TPD52L2: variants seen among roughly 807,000 people sequenced by gnomAD.
TPD52L2 encodes the protein TPD52 like 2, also known as tumor protein D54.
Under a neutral mutation model 24.7 loss-of-function variants are expected in TPD52L2, and 19 were observed. That is an observed-to-expected ratio of 0.77 (90% confidence interval 0.54 to 1.13). The LOEUF (loss-of-function observed/expected upper bound fraction) is 1.13, where lower values mean the gene tolerates loss of function less well. Ranked by LOEUF, TPD52L2 falls within the 50% of genes most tolerant of loss-of-function variation. TPD52L2 has a pLI of 0.00. For missense variants in TPD52L2, 236 were observed against 250.4 expected, an observed-to-expected ratio of 0.94 and a Z score of 0.39; for synonymous variants, 104 against 100.2, an observed-to-expected ratio of 1.04 and a Z score of -0.23.
intron 1 of TPD52L2, among the ~76,000 whole-genome samples, chr20:63,866,221 C>T (rs1331062121): frequency 2.0e-5 from 3 of 151,374 alleles, no homozygotes; most frequent in African/African-American, 7.3e-5. Flanking sequence ...TCTGCTGCCT[C>T]AGCCTCCTGA....
At chr20:63,882,099 C>G (rs1232844251) in intron 4 of TPD52L2, among the ~76,000 whole-genome samples, 2 of 152,242 alleles carry the variant, frequency 1.3e-5, no homozygotes, top group Non-Finnish European at 2.9e-5. Context: ...GTCCGATGTT[C>G]TGAAGGCACA....
At chr20:63,872,907 T>C (rs1342308614) in intron 2 of TPD52L2, among the ~76,000 whole-genome samples, 1 of 151,616 alleles carries the variant, frequency 6.6e-6, no homozygotes, top group Non-Finnish European at 1.5e-5. Context: ...GGTTTCGCTG[T>C]GTTAACTGTG....
rs1600801075 is a variant in TPD52L2, at chr20:63,874,257, T to TG, written c.314+441_314+442insG. Among the ~76,000 whole-genome samples the TG allele has an allele frequency of 6.0e-5, 9 of 149,484 alleles. No individual in the cohort carries two copies. The East Asian group carries it at 1.2e-3, about 20-fold the overall frequency. On this transcript the variant is annotated intron_variant, in intron 3 of 6. Coordinates refer to ENST00000346249, the MANE Select transcript of TPD52L2 (RefSeq NM_003288.4). ...GTGTGTGTGTGTGTGTGTGTGTGTG[T>TG]TTTTAGTAGAGATGGGGTTTCACCA...
Position 63,873,784 on chromosome 20 carries a change from C to G in TPD52L2, c.282C>G (p.Ser94=), listed in dbSNP as rs557767210. The G allele has an allele frequency of 3.3e-5, 52 of 1,582,660 alleles. No individual in the cohort carries two copies. In the South Asian group the frequency reaches 5.7e-4, roughly 17 times the overall value. Residue 94 remains serine, a synonymous_variant, in exon 3 of 7, where the codon TCC becomes TCG. Coordinates refer to ENST00000346249, the MANE Select transcript of TPD52L2 (RefSeq NM_003288.4). ...TGGGGGAGCTGAAACAGAACCTGTC[C>G]AGGAGCTGGCATGACGTGCAGGTCT... ...STLGELKQNL[S]RSWHDVQVSS...
chr20:63,889,794 C>T, intron 6 of TPD52L2, 56 bp from the exon 7 acceptor site: 2 of 1,542,378 alleles, frequency 1.3e-6, no homozygotes, highest in South Asian at 2.3e-5. Flanking sequence ...TGGGATCTGC[C>T]TTGTGTTGTG....
In TPD52L2 at chr20:63,886,120, G is replaced by A. The variant is rs551071441; in HGVS notation, c.477-3070G>A. On this transcript the variant is annotated intron_variant, in intron 5 of 6. Coordinates refer to ENST00000346249, the MANE Select transcript of TPD52L2 (RefSeq NM_003288.4). ...GGGTGGACTCCGGCAGGGCCCTTGG[G>A]CGGCTGTGCTAGTAGAGGGCAGTGA... The A allele has an allele frequency of 1.7e-4, 252 of 1,462,888 alleles. 1 individual carries two copies. The South Asian group carries it at 2.6e-3, about 15-fold the overall frequency. The allele number at this position is 1,462,888 out of a possible 1,614,324, so 90.6% of individuals were successfully genotyped here.
At chr20:63,884,828 C>T (rs1034835892) in intron 5 of TPD52L2, among the ~76,000 whole-genome samples, 3 of 152,090 alleles carry the variant, frequency 2.0e-5, no homozygotes, top group Admixed American at 6.5e-5. Flanking sequence ...TGACCTGGGA[C>T]GAGCCAGCTC....
chr20:63,888,851 A>G, intron 5 of TPD52L2: 5 of 348,138 alleles, frequency 1.4e-5, no homozygotes, highest in Non-Finnish European at 2.2e-5. Context: ...CAGCCCCCCA[A>G]CTGCACAGAC....
chr20:63,870,466 T>A (rs1247109258), intron 2 of TPD52L2, among the ~76,000 whole-genome samples: 1 of 152,014 alleles, frequency 6.6e-6, no homozygotes. Context: ...AATATGTGAG[T>A]TTAGAAACTA....
At chr20:63,874,773 C>G (rs976939921) in intron 3 of TPD52L2, among the ~76,000 whole-genome samples, 2 of 152,098 alleles carry the variant, frequency 1.3e-5, no homozygotes, top group Non-Finnish European at 2.9e-5. Context: ...GAGCACTGAT[C>G]AGGTCCTTGG....
chr20:63,887,365 G>C, intron 5 of TPD52L2: 1 of 710,870 alleles, frequency 1.4e-6, no homozygotes, highest in East Asian at 2.5e-5. Context: ...GGGCAACTTG[G>C]GGTGCCCCCC....
intron 4 of TPD52L2, among the ~76,000 whole-genome samples, chr20:63,881,065 C>T (rs1391956895): frequency 6.6e-6 from 1 of 151,970 alleles, no homozygotes; most frequent in Non-Finnish European, 1.5e-5. Flanking sequence ...GTGGCTCACA[C>T]CTGTCATCCG....
Position 63,873,705 on chromosome 20 carries a change from C to T in TPD52L2, c.203C>T (p.Ala68Val), listed in dbSNP as rs1344803069. The T allele has an allele frequency of 5.6e-6, 9 of 1,609,038 alleles. No individual in the cohort carries two copies. Among genetic ancestry groups the T allele is most frequent in the Non-Finnish European group, 6.8e-6 (8 of 1,178,502 alleles). Residue 68 changes from alanine to valine, a missense_variant, in exon 3 of 7, where the codon GCA (alanine) becomes GTA (valine). Coordinates refer to ENST00000346249, the MANE Select transcript of TPD52L2 (RefSeq NM_003288.4). ...EEIVTLRQVL[A>V]AKERHCGELK... ...ATTGTCACTCTGCGCCAGGTCCTGG[C>T]AGCCAAGGAGAGGCACTGTGGAGAG...
chr20:63,865,500 G>A, intron 1 of TPD52L2, 116 bp downstream of exon 1: 2 of 1,359,096 alleles, frequency 1.5e-6, no homozygotes, highest in Non-Finnish European at 1.9e-6. Flanking sequence ...CACCCACCCC[G>A]CGGCCCCTCT....
At position 63,875,765 on chromosome 20, in the gene TPD52L2, T is replaced by C. The variant is rs1203233038; in HGVS notation, c.315-51T>C. 2.5e-6 allele frequency: 4 copies of C among 1,586,766 alleles called. No individual in the cohort carries two copies. The East Asian group carries it at 6.7e-5, about 27-fold the overall frequency. On this transcript the variant is annotated intron_variant, in intron 3 of 6. Transcript: ENST00000346249. Reference sequence around the variant, plus strand: ...GGAACTTCACCTGCAGTTTGATGCCTGAGTTAAAATTGTTCTTCTAAATAA... The same window carrying C: ...GGAACTTCACCTGCAGTTTGATGCCCGAGTTAAAATTGTTCTTCTAAATAA...
chr20:63,881,896 T>C (rs879850719), intron 4 of TPD52L2, among the ~76,000 whole-genome samples: 4 of 152,350 alleles, frequency 2.6e-5, no homozygotes, highest in Admixed American at 2.0e-4. Context: ...GGCCCAACAG[T>C]ATCCCTGCAG....
intron 2 of TPD52L2, among the ~76,000 whole-genome samples, chr20:63,870,680 C>T (rs1303020988): frequency 6.0e-5 from 9 of 149,062 alleles, no homozygotes; most frequent in East Asian, 3.9e-4. Context: ...CCCACCACCA[C>T]GCCCGGCTAA....
intron 3 of TPD52L2, among the ~76,000 whole-genome samples, chr20:63,874,104 T>C (rs2052568954): frequency 2.6e-5 from 4 of 151,984 alleles, no homozygotes; most frequent in Non-Finnish European, 1.5e-5. Context: ...CAGGCTGGAG[T>C]GTAGTGGCGT....
chr20:63,866,088 A>ATTTCTTTC lies in TPD52L2; in HGVS notation c.19+724_19+731dup, dbSNP rs376658976. 2.6e-3 allele frequency among the ~76,000 whole-genome samples: 389 copies of ATTTCTTTC among 151,696 alleles called. 2 individuals are homozygous for ATTTCTTTC. Among genetic ancestry groups the ATTTCTTTC allele is most frequent in the African/African-American group, 4.0e-3 (166 of 41,326 alleles). On this transcript the variant is annotated intron_variant, in intron 1 of 6. Transcript: ENST00000346249. ...TTGGGGCTCTAGAGAGGGATGCTAA[A>ATTTCTTTC]TTTCTTTCTTTCTTTCTTTCTTTCT...
Sources: allele counts gnomAD v4.1 joint callset (sites outside exome capture counted in the v4.1 genomes callset), GRCh38; gene constraint gnomAD v4.1.1; transcripts MANE v1.5; gene names NCBI Gene and HGNC (gene_info 2026-07-23, HGNC 2026-07-21).